The following IFT172 variants were observed in gnomAD, a reference collection of about 807,000 sequenced individuals.
IFT172 encodes intraflagellar transport protein 172 homolog.
In IFT172, 164 loss-of-function variants were observed where a neutral mutation model predicts 248.9. That is an observed-to-expected ratio of 0.66 (90% CI 0.58 to 0.75). The LOEUF (loss-of-function observed/expected upper bound fraction) is 0.75. Among genes scored for constraint, IFT172 ranks in the 30% least tolerant of loss-of-function variants. The probability of loss-of-function intolerance (pLI) is 0.00; values close to 1 mark genes in which losing one functional copy is unlikely to be tolerated. For missense variants in IFT172, 1,950 were observed against 2,192.4 expected (o/e 0.89, Z 2.21); for synonymous variants, 729 against 791.6 (o/e 0.92, Z 1.33).
chr2:27,488,576 CT>C (rs1458001383), intron 1 of IFT172, among the ~76,000 whole-genome samples: 2 of 152,150 alleles, frequency 1.3e-5, no homozygotes, highest in Non-Finnish European at 2.9e-5. Flanking sequence ...TTCTTATTAG[CT>C]TTGTATTATT....
chr2:27,446,496 T>TA, intron 42 of IFT172, 141 bp from the exon 43 acceptor site: 2 of 668,414 alleles, frequency 3.0e-6, no homozygotes, highest in Non-Finnish European at 4.8e-6. Flanking sequence ...TTCTGGGTCT[T>TA]AGTTTTTTTT....
chr2:27,446,453 A>C, intron 42 of IFT172, 98 bp from the exon 43 acceptor site: 4 of 1,023,162 alleles, frequency 3.9e-6, no homozygotes, highest in South Asian at 1.4e-5. Flanking sequence ...AAAAACAACA[A>C]TTATTATTAA....
chr2:27,482,983 T>TC (rs1668489849), intron 7 of IFT172, among the ~76,000 whole-genome samples: 2 of 146,068 alleles, frequency 1.4e-5, no homozygotes, highest in African/African-American at 5.1e-5. Flanking sequence ...AATTTCCTTA[T>TC]CCCCTATTCC....
intron 47 of IFT172, 104 bp from the exon 48 acceptor site, chr2:27,444,625 A>C: frequency 1.2e-6 from 1 of 847,454 alleles, no homozygotes; most frequent in Non-Finnish European, 1.9e-6. Flanking sequence ...CTGTAATCCC[A>C]CCCATCTTTC....
rs374904244 is a variant in IFT172, at chr2:27,447,940, A to G, written c.4429-18T>C. ...TTGAAGTTCTAGAGGTAGAGGGAAG[A>G]AGGGGATCTGAGAAGGGCATAGCTA... On this transcript the variant is annotated intron_variant, in intron 40 of 47. Transcript: ENST00000260570. The G allele has an allele frequency of 9.6e-6, 14 of 1,460,050 alleles. No homozygotes were observed. The highest frequency in any genetic ancestry group is 1.3e-5 in the Non-Finnish European group (13 of 1,039,584). The allele number at this position is 1,460,050 out of a possible 1,614,324, so 90.4% of individuals were successfully genotyped here.
intron 35 of IFT172, 192 bp downstream of exon 35, chr2:27,453,192 C>T: frequency 1.3e-6 from 1 of 787,864 alleles, no homozygotes. Context: ...GCTGTCAGGG[C>T]TCTGTCTTAT....
In IFT172 at chr2:27,461,808, T is replaced by A. The variant is rs1300745406; in HGVS notation, c.2144A>T (p.Tyr715Phe). The change falls in exon 21 of 48, where the codon TAC becomes TTC. Residue 715 changes from tyrosine (Y) to phenylalanine (F), a missense_variant. Tyr to Phe is a conservative substitution (Grantham distance 22, BLOSUM62 3). Transcript: ENST00000260570. ...QNAVEEAMGM[Y>F]QELHRWDECI... ...CTCATCCCAACGGTGTAGCTCCTGGTACATGCCCATGGCCTCCTCCACAGC... is the reference window on the plus strand; with the variant it reads ...CTCATCCCAACGGTGTAGCTCCTGGAACATGCCCATGGCCTCCTCCACAGC... 2 of 1,614,064 alleles carry A rather than the reference T, an allele frequency of 1.2e-6. No homozygotes were observed. Among genetic ancestry groups the A allele is most frequent in the Non-Finnish European group, 1.7e-6 (2 of 1,180,050 alleles).
At chr2:27,449,666 C>T in intron 37 of IFT172, 25 bp downstream of exon 37, 4 of 1,609,102 alleles carry the variant, frequency 2.5e-6, no homozygotes, top group South Asian at 1.1e-5. Context: ...GAGAATTTCG[C>T]AGTAAGAAGG....
At chr2:27,486,949 C>CTT (rs150387708) in intron 1 of IFT172, among the ~76,000 whole-genome samples, 1 of 146,140 alleles carries the variant, frequency 6.8e-6, no homozygotes, top group Non-Finnish European at 1.5e-5. Flanking sequence ...TAATTTCCTT[C>CTT]TTTTTTTTTT....
Position 27,472,296 on chromosome 2 carries a change from A to C in IFT172, c.1478T>G (p.Leu493Arg), listed in dbSNP as rs1282056614. ...SHESRVDWLE[L>R]NETGHKLLFR... ...GAGGAGCTTGTGTCCAGTCTCATTA[A>C]GTTCCAGCCAATCCACACGGCTCTC... Residue 493 changes from leucine (L) to arginine (R), a missense_variant, in exon 15 of 48, where the codon CTT (leucine) becomes CGT (arginine). By Grantham distance (102) the Leu-to-Arg change is moderately radical. Coordinates refer to ENST00000260570, the MANE Select transcript of IFT172 (RefSeq NM_015662.3). 4 of 1,614,168 alleles carry C rather than the reference A, an allele frequency of 2.5e-6. No homozygotes were observed. The East Asian group carries it at 8.9e-5, about 36-fold the overall frequency.
chr2:27,461,605 G>A, intron 21 of IFT172, 88 bp from the exon 22 acceptor site: 1 of 1,539,364 alleles, frequency 6.5e-7, no homozygotes, highest in Non-Finnish European at 8.9e-7. Context: ...TATAACAAGG[G>A]GAATCCTCCT....
chr2:27,488,764 T>C (rs1260328), intron 1 of IFT172, among the ~76,000 whole-genome samples: 73,105 of 152,128 alleles, frequency 0.48, 18,972 homozygotes, highest in African/African-American at 0.67. Flanking sequence ...CTCCGAGACA[T>C]TGTATAATAA....
chr2:27,465,673 A>G lies in IFT172; in HGVS notation c.1829+73T>C. 6 of 1,596,650 alleles carry G rather than the reference A, an allele frequency of 3.8e-6. No individual in the cohort carries two copies. The South Asian group carries it at 5.6e-5, about 15-fold the overall frequency. ...CCTTATTAGTGCTGGCCAGTTTTACACCCCACCCCAGGTCCTCCCCTCTCA... is the reference window on the plus strand; with the variant it reads ...CCTTATTAGTGCTGGCCAGTTTTACGCCCCACCCCAGGTCCTCCCCTCTCA... On this transcript the variant is annotated intron_variant, in intron 17 of 47. Transcript: ENST00000260570.
chr2:27,459,766 TC>T lies in IFT172; in HGVS notation c.2584del (p.Asp862ThrfsTer42). The T allele has an allele frequency of 6.2e-7, 1 of 1,612,656 alleles. No homozygotes were observed. The part of the protein sequence containing the change: ...EVVKLEEAWG[D>X]HLVQQKQLDA... ...AAGCTGCTTCTGCTGCACCAGGTGG[TC>T]CCCCCATGCCTCCTCTAGTTTCACC... On this transcript the variant is annotated frameshift_variant, in exon 24 of 48. Transcript: ENST00000260570. LOFTEE classifies it high-confidence loss of function.
At chr2:27,472,687 T>G (rs1667660008) in intron 14 of IFT172, among the ~76,000 whole-genome samples, 1 of 152,182 alleles carries the variant, frequency 6.6e-6, no homozygotes, top group Admixed American at 6.5e-5. Flanking sequence ...GATGAATCAA[T>G]GACCTTGATG....
At chr2:27,466,974 C>A (rs1182964629) in intron 16 of IFT172, among the ~76,000 whole-genome samples, 2 of 151,652 alleles carry the variant, frequency 1.3e-5, no homozygotes, top group Non-Finnish European at 2.9e-5. Context: ...ATGATCATGC[C>A]ACTTCACAGC....
chr2:27,449,424 TGAGGGAAAGAA>T (rs1292545725), intron 38 of IFT172, 44 bp from the exon 39 acceptor site: 3 of 1,613,892 alleles, frequency 1.9e-6, no homozygotes, highest in Non-Finnish European at 2.5e-6. Context: ...AGAGATGACA[TGAGGGAAAGAA>T]GAGGGAGAGA....
intron 35 of IFT172, 67 bp from the exon 36 acceptor site, chr2:27,450,163 C>A: frequency 8.3e-7 from 1 of 1,211,674 alleles, no homozygotes; most frequent in South Asian, 1.3e-5. Context: ...TCAGCCTCAT[C>A]CATTTCATAC....
At position 27,483,318 on chromosome 2, in the gene IFT172, A is replaced by G. The variant is rs1483934151; in HGVS notation, c.541T>C (p.Phe181Leu). 6.2e-7 allele frequency: 1 copy of G among 1,606,010 alleles called. No homozygotes were observed. The change falls in exon 7 of 48, where the codon TTT becomes CTT. Residue 181 changes from phenylalanine (F) to leucine (L), a missense_variant. Phe to Leu is a conservative substitution (Grantham distance 22, BLOSUM62 0). Coordinates refer to ENST00000260570, the MANE Select transcript of IFT172 (RefSeq NM_015662.3). ...GACTCTCCAGAGCCTTCATCATCAA[A>G]GAAATACCTAACGATGGTACCATCT... is the stretch of plus-strand genomic sequence containing the variant. ...HADGTIVRYF[F>L]DDEGSGESQG...
Sources: gnomAD v4.1 joint callset for allele counts (sites outside exome capture counted in the v4.1 genomes callset) on GRCh38, gnomAD v4.1.1 for gene constraint, MANE v1.5 for transcripts, NCBI Gene and HGNC (gene_info 2026-07-23, HGNC 2026-07-21) for gene names.